The following PTPRR variants were observed in gnomAD, a reference collection of about 807,000 sequenced individuals.
PTPRR encodes the protein protein tyrosine phosphatase receptor type R.
In PTPRR, 38 loss-of-function variants were observed where a neutral mutation model predicts 77.2. The observed-to-expected ratio is 0.49, with a 90% CI of 0.38 to 0.65. The LOEUF (loss-of-function observed/expected upper bound fraction) is 0.65, where lower values mean the gene tolerates loss of function less well. PTPRR is among the 30% of genes least tolerant of loss of function. The pLI, the probability that PTPRR is intolerant of heterozygous loss-of-function variation, is 0.00. For missense variants in PTPRR, 744 were observed against 799.2 expected, an observed-to-expected ratio of 0.93 and a Z score of 0.83; for synonymous variants, 299 against 283.1, an observed-to-expected ratio of 1.06 and a Z score of -0.57.
Position 70,642,605 on chromosome 12 carries a change from C to T in PTPRR, c.1881-3328G>A, listed in dbSNP as rs111666342. On this transcript the variant is annotated intron_variant, in intron 13 of 13. Coordinates refer to ENST00000283228, the MANE Select transcript of PTPRR (RefSeq NM_002849.4). ...AGGTTGTAGGTCCTTTAAAGACCTA[C>T]AAGCATAATGGCATGGTCTTCTTCT... Among the ~76,000 whole-genome samples, 1,145 of 152,180 alleles carry T rather than the reference C, an allele frequency of 7.5e-3. 15 individuals are homozygous for T. The highest frequency in any genetic ancestry group is 0.026 in the African/African-American group (1,091 of 41,522).
intron 6 of PTPRR, among the ~76,000 whole-genome samples, chr12:70,716,533 C>T (rs1207160209): frequency 1.3e-5 from 2 of 152,116 alleles, no homozygotes; most frequent in Non-Finnish European, 2.9e-5. Context: ...TCTTGGGATG[C>T]ACATGCCCCA....
chr12:70,894,985 T>C (rs771492892), intron 1 of PTPRR, among the ~76,000 whole-genome samples: 1 of 151,698 alleles, frequency 6.6e-6, no homozygotes, highest in Non-Finnish European at 1.5e-5. Flanking sequence ...TCCAAAAAGA[T>C]AAAGCTACTG....
At chr12:70,710,828 G>A (rs111829773) in intron 6 of PTPRR, among the ~76,000 whole-genome samples, 183 of 152,178 alleles carry the variant, frequency 1.2e-3, no homozygotes, top group African/African-American at 3.9e-3. Context: ...TTAGAGAAAC[G>A]CAAATCAAAA....
chr12:70,898,586 T>TAA (rs2137123717), intron 1 of PTPRR, among the ~76,000 whole-genome samples: 1 of 149,708 alleles, frequency 6.7e-6, no homozygotes, highest in South Asian at 2.1e-4. Context: ...TACATATATA[T>TAA]AACATGATTT....
intron 2 of PTPRR, among the ~76,000 whole-genome samples, chr12:70,833,451 G>C (rs1350901644): frequency 1.3e-5 from 2 of 152,154 alleles, no homozygotes; most frequent in Admixed American, 1.3e-4. Flanking sequence ...CTGGAGAAAA[G>C]TTGCTGGAAG....
chr12:70,702,031 A>C, intron 6 of PTPRR, among the ~76,000 whole-genome samples: 1 of 152,090 alleles, frequency 6.6e-6, no homozygotes, highest in African/African-American at 2.4e-5. Flanking sequence ...TGTATCCTCT[A>C]TTTATGTGTA....
chr12:70,721,983 G>A (rs752453800), intron 6 of PTPRR, among the ~76,000 whole-genome samples: 1 of 152,108 alleles, frequency 6.6e-6, no homozygotes, highest in Non-Finnish European at 1.5e-5. Flanking sequence ...GGGAAGTATT[G>A]TATTAAGAAA....
chr12:70,911,670 T>G (rs895556467), intron 1 of PTPRR, among the ~76,000 whole-genome samples: 1 of 148,402 alleles, frequency 6.7e-6, no homozygotes, highest in African/African-American at 2.5e-5. Context: ...TCGAGCTTCA[T>G]AGTCCACTAC....
chr12:70,824,987 T>A (rs954627935), intron 2 of PTPRR, among the ~76,000 whole-genome samples: 1 of 152,056 alleles, frequency 6.6e-6, no homozygotes, highest in Admixed American at 6.6e-5. Context: ...GAAAGCTGAG[T>A]AGAAATCTTA....
chr12:70,816,600 T>C (rs569766559), intron 2 of PTPRR, among the ~76,000 whole-genome samples: 2 of 152,088 alleles, frequency 1.3e-5, no homozygotes, highest in Non-Finnish European at 2.9e-5. Context: ...AATACTTTTA[T>C]AAATAAACCA....
At chr12:70,695,008 A>G (rs900346645) in intron 8 of PTPRR, among the ~76,000 whole-genome samples, 2 of 152,142 alleles carry the variant, frequency 1.3e-5, no homozygotes, top group Non-Finnish European at 2.9e-5. Flanking sequence ...ACACTGCAAA[A>G]TAATTTGATA....
intron 2 of PTPRR, among the ~76,000 whole-genome samples, chr12:70,782,052 T>C (rs1452689871): frequency 6.6e-6 from 1 of 152,176 alleles, no homozygotes; most frequent in African/African-American, 2.4e-5. Context: ...TAAATGGGTA[T>C]TGATAGTGAG....
At chr12:70,834,676 A>G (rs1892271212) in intron 2 of PTPRR, among the ~76,000 whole-genome samples, 1 of 152,158 alleles carries the variant, frequency 6.6e-6, no homozygotes, top group African/African-American at 2.4e-5. Context: ...CAGGCACTCA[A>G]TATGTAATTA....
At chr12:70,783,863 C>CGGGGGGGGGGGCGG (rs1891257237) in intron 2 of PTPRR, among the ~76,000 whole-genome samples, 1 of 56,640 alleles carries the variant, frequency 1.8e-5, no homozygotes. Context: ...GTGGGGGGGA[C>CGGGGGGGGGGGCGG]GGGGGGGGGG....
chr12:70,890,297 C>T (rs1893313016), intron 2 of PTPRR, among the ~76,000 whole-genome samples: 1 of 151,982 alleles, frequency 6.6e-6, no homozygotes, highest in African/African-American at 2.4e-5. Flanking sequence ...GTTGTACTCT[C>T]CTTGTAACAA....
At chr12:70,902,974 A>C (rs1022720135) in intron 1 of PTPRR, among the ~76,000 whole-genome samples, 1 of 151,962 alleles carries the variant, frequency 6.6e-6, no homozygotes, top group Non-Finnish European at 1.5e-5. Flanking sequence ...GGCAACATGG[A>C]TAAACCTAGA....
intron 10 of PTPRR, among the ~76,000 whole-genome samples, chr12:70,679,218 C>A (rs1488814160): frequency 6.6e-6 from 1 of 152,096 alleles, no homozygotes; most frequent in African/African-American, 2.4e-5. Flanking sequence ...TTTCATTAAA[C>A]AATATTTGTA....
intron 13 of PTPRR, among the ~76,000 whole-genome samples, chr12:70,640,736 C>T (rs1407347977): frequency 6.6e-6 from 1 of 152,148 alleles, no homozygotes; most frequent in Non-Finnish European, 1.5e-5. Flanking sequence ...CTCACTGTAA[C>T]AAGACTTCTA....
chr12:70,683,828 G>A (rs1459164442), intron 10 of PTPRR, among the ~76,000 whole-genome samples: 2 of 152,182 alleles, frequency 1.3e-5, no homozygotes, highest in African/African-American at 4.8e-5. Flanking sequence ...TGACTTGGGT[G>A]TGAATGAATA....
Sources: gnomAD v4.1 joint callset for allele counts (sites outside exome capture counted in the v4.1 genomes callset) on GRCh38, gnomAD v4.1.1 for gene constraint, MANE v1.5 for transcripts, NCBI Gene and HGNC (gene_info 2026-07-23, HGNC 2026-07-21) for gene names.